Variants in EMC2 observed in about 807,000 individuals in gnomAD.
EMC2 encodes ER membrane protein complex subunit 2.
A neutral mutation model predicts 51.6 loss-of-function variants in EMC2; 37 were observed. The ratio of observed to expected loss-of-function variants is 0.72; its 90% CI spans 0.55 to 0.94. EMC2 has a LOEUF of 0.94. Among genes scored for constraint, EMC2 ranks in the 40% least tolerant of loss-of-function variants. The pLI is 0.00. For missense variants in EMC2, 359 were observed against 350.9 expected (o/e 1.02, Z -0.18); for synonymous variants, 131 against 112.4 (o/e 1.17, Z -1.04).
chr8:108,482,681 T>C (rs1017278583), intron 10 of EMC2, among the ~76,000 whole-genome samples: 2 of 152,080 alleles, frequency 1.3e-5, no homozygotes, highest in African/African-American at 4.8e-5. Flanking sequence ...ACCACCCAGG[T>C]TGAGTTATCC....
chr8:108,486,670 T>C lies in EMC2; in HGVS notation c.*72T>C. The C allele has an allele frequency of 6.9e-7, 1 of 1,443,188 alleles. No homozygotes were observed. Among genetic ancestry groups the C allele is most frequent in the East Asian group, 2.4e-5 (1 of 42,328 alleles). 89.4% of individuals were successfully genotyped at this position (1,443,188 alleles called of 1,614,324 possible). A position where few individuals can be genotyped will look rare whatever the true frequency, so the allele number is the denominator to read the frequency against. ...ACTTATTGGCCTGTAACTTATTTACTAAATGCTCAGTGCTATTTATATACT... is the reference window on the plus strand; with the variant it reads ...ACTTATTGGCCTGTAACTTATTTACCAAATGCTCAGTGCTATTTATATACT... On this transcript the variant is annotated 3_prime_UTR_variant, in exon 11 of 11. Coordinates refer to ENST00000220853, the MANE Select transcript of EMC2 (RefSeq NM_014673.5).
At chr8:108,466,867 T>C (rs1810725773) in intron 5 of EMC2, among the ~76,000 whole-genome samples, 1 of 151,748 alleles carries the variant, frequency 6.6e-6, no homozygotes, top group Non-Finnish European at 1.5e-5. Context: ...AAACCTAGGG[T>C]TTTGTGTGGC....
intron 10 of EMC2, among the ~76,000 whole-genome samples, chr8:108,483,455 T>C (rs755973285): frequency 6.6e-6 from 1 of 152,228 alleles, no homozygotes; most frequent in Non-Finnish European, 1.5e-5. Flanking sequence ...TTAGTTTTGC[T>C]TGTGCTATAA....
At chr8:108,455,522 C>G (rs1819129027) in intron 4 of EMC2, among the ~76,000 whole-genome samples, 1 of 152,088 alleles carries the variant, frequency 6.6e-6, no homozygotes, top group Non-Finnish European at 1.5e-5. Flanking sequence ...TCTGTTTATG[C>G]CAGTACTTCT....
chr8:108,472,932 T>C (rs2130394664), intron 7 of EMC2, among the ~76,000 whole-genome samples: 1 of 152,120 alleles, frequency 6.6e-6, no homozygotes, highest in South Asian at 2.1e-4. Context: ...CAGGCTAGAC[T>C]TGAGCTCCTG....
chr8:108,450,489 A>T lies in EMC2; in HGVS notation c.216A>T (p.Ala72=). The part of the protein sequence containing the change: ...AALDYGRDDL[A]LFCLQELRRQ... Reference sequence around the variant, plus strand: ...TAGACTATGGTCGGGATGACTTGGCATTGGTAGGTATTTAAATGAAGTATA... The same window carrying T: ...TAGACTATGGTCGGGATGACTTGGCTTTGGTAGGTATTTAAATGAAGTATA... Residue 72 remains alanine (A), a synonymous_variant, in exon 3 of 11, where the codon GCA becomes GCT. Coordinates refer to ENST00000220853, the MANE Select transcript of EMC2 (RefSeq NM_014673.5). The T allele has an allele frequency of 6.5e-7, 1 of 1,546,010 alleles. No homozygotes were observed. Among genetic ancestry groups the T allele is most frequent in the Non-Finnish European group, 8.9e-7 (1 of 1,118,240 alleles).
At chr8:108,484,630 C>T (rs868747445) in intron 10 of EMC2, among the ~76,000 whole-genome samples, 15 of 151,724 alleles carry the variant, frequency 9.9e-5, no homozygotes, top group African/African-American at 3.6e-4. Flanking sequence ...ATAAATGTTA[C>T]GTGGTAATGT....
At position 108,469,918 on chromosome 8, in the gene EMC2, A is replaced by G. The variant is rs1837282976; in HGVS notation, c.449+7A>G. On this transcript the variant is annotated splice_region_variant and intron_variant, in intron 6 of 10. Transcript: ENST00000220853. ...TGAATGAGTATCTGGAACAGTGAGT[A>G]TTTTACAAGAGGATTGTGTTTTGTT... 1.2e-6 allele frequency: 2 copies of G among 1,601,812 alleles called. No homozygotes were observed. The highest frequency in any genetic ancestry group is 1.3e-5 in the African/African-American group (1 of 74,704).
At chr8:108,458,792 A>G (rs1237922412) in intron 5 of EMC2, among the ~76,000 whole-genome samples, 2 of 152,186 alleles carry the variant, frequency 1.3e-5, no homozygotes, top group South Asian at 2.1e-4. Context: ...TGGAATTAAC[A>G]TTCAGCTCCT....
rs1249722255 is a variant in EMC2 at position 108,456,343 on chromosome 8, AAAAAG to A, written c.363+418_363+422del. Among the ~76,000 whole-genome samples, 1,023 of 145,676 alleles carry A rather than the reference AAAAAG, an allele frequency of 7.0e-3. 94 individuals are homozygous for A. Among genetic ancestry groups the A allele is most frequent in the African/African-American group, 0.021 (814 of 39,104 alleles). ...GCAAGACTTCGTGTCAAAAAAAAAAAAAAAGAAAAAAAAAAAAACAACTTCTAGAA... is the reference window on the plus strand; with the variant it reads ...GCAAGACTTCGTGTCAAAAAAAAAAAAAAAAAAAAAAAACAACTTCTAGAA... On this transcript the variant is annotated intron_variant, in intron 5 of 10. Transcript: ENST00000220853.
intron 7 of EMC2, chr8:108,474,807 A>C (rs1324975478): frequency 6.6e-6 from 1 of 151,948 alleles, no homozygotes; most frequent in Non-Finnish European, 1.5e-5. Flanking sequence ...TTCAGTTTAC[A>C]TCTCTGTGCC....
chr8:108,479,047 A>C lies in EMC2; in HGVS notation c.744A>C (p.Lys248Asn). Residue 248 changes from lysine to asparagine, a missense_variant, in exon 10 of 11, where the codon AAA becomes AAC. Transcript: ENST00000220853. ...CTTCTAATCCAAAAGCAAGTGCAAA[A>C]ACGAAAAAGGACAACATGAAATATG... is the stretch of plus-strand genomic sequence containing the variant. ...HIASNPKASA[K>N]TKKDNMKYAS... 1 of 1,585,962 alleles carries C rather than the reference A, an allele frequency of 6.3e-7. No individual in the cohort carries two copies.
chr8:108,479,607 T>C (rs1811010561), intron 10 of EMC2, among the ~76,000 whole-genome samples: 2 of 152,188 alleles, frequency 1.3e-5, no homozygotes, highest in Admixed American at 1.3e-4. Flanking sequence ...GCAGATTTTT[T>C]AGGAAATTAT....
At chr8:108,480,499 T>G (rs1811027057) in intron 10 of EMC2, among the ~76,000 whole-genome samples, 1 of 152,194 alleles carries the variant, frequency 6.6e-6, no homozygotes, top group Admixed American at 6.5e-5. Context: ...CAGTCTGTCT[T>G]AGAACTCAGT....
chr8:108,458,755 C>T (rs1290950409), intron 5 of EMC2, among the ~76,000 whole-genome samples: 1 of 152,156 alleles, frequency 6.6e-6, no homozygotes, highest in Non-Finnish European at 1.5e-5. Flanking sequence ...CTCTGACATG[C>T]CCTGGAGACA....
At position 108,486,830 on chromosome 8, in the gene EMC2, C is replaced by T; in HGVS notation, c.*232C>T. The T allele has an allele frequency of 2.7e-6, 1 of 370,860 alleles. No individual in the cohort carries two copies. Among genetic ancestry groups the T allele is most frequent in the Non-Finnish European group, 4.8e-6 (1 of 208,970 alleles). The allele number at this position is 370,860 out of a possible 1,614,324, so 23.0% of individuals were successfully genotyped here. On this transcript the variant is annotated 3_prime_UTR_variant, in exon 11 of 11. Coordinates refer to ENST00000220853, the MANE Select transcript of EMC2 (RefSeq NM_014673.5). The stretch of plus-strand genomic sequence containing the variant: ...TAAGACTTATTGATTGTACATCAGT[C>T]TCTTCATATCACATATACATGTATA...
intron 5 of EMC2, among the ~76,000 whole-genome samples, chr8:108,459,753 T>TGA (rs1563694650): frequency 1.3e-5 from 2 of 151,660 alleles, no homozygotes; most frequent in Admixed American, 6.6e-5. Context: ...TGTGTGTGTG[T>TGA]GATTGTTTTG....
At chr8:108,454,210 GTGATGATTAATAAAGTTGTTT>G (rs1297043588) in intron 4 of EMC2, among the ~76,000 whole-genome samples, 1 of 152,024 alleles carries the variant, frequency 6.6e-6, no homozygotes, top group African/African-American at 2.4e-5. Flanking sequence ...TACATTTAAA[GTGATGATTAATAAAGTTGTTT>G]CATTATCTGC....
At chr8:108,456,632 T>C (rs1819168320) in intron 5 of EMC2, among the ~76,000 whole-genome samples, 4 of 152,130 alleles carry the variant, frequency 2.6e-5, no homozygotes, top group Admixed American at 6.5e-5. Flanking sequence ...TTTGAACAAG[T>C]ATATTAGTTT....
Sources: allele counts gnomAD v4.1 joint callset (sites outside exome capture counted in the v4.1 genomes callset), GRCh38; gene constraint gnomAD v4.1.1; transcripts MANE v1.5; gene names NCBI Gene and HGNC (gene_info 2026-07-23, HGNC 2026-07-21).